The following TMPRSS3 variants were observed in gnomAD, a reference collection of about 807,000 sequenced individuals.
TMPRSS3 encodes the protein transmembrane serine protease 3.
TMPRSS3 carries 55 observed loss-of-function variants against 59.6 expected under a neutral mutation model. That is an observed-to-expected ratio of 0.92 (90% CI 0.74 to 1.16). TMPRSS3 has a LOEUF of 1.16. TMPRSS3 is among the 50% of genes most tolerant of loss of function. TMPRSS3 has a pLI of 0.00. For synonymous variants in TMPRSS3, 257 were observed against 237.7 expected, an observed-to-expected ratio of 1.08 and a Z score of -0.75; for missense variants, 596 against 579.4, an observed-to-expected ratio of 1.03 and a Z score of -0.29.
At chr21:42,387,573 C>T (rs1359092375) in intron 5 of TMPRSS3, among the ~76,000 whole-genome samples, 2 of 151,940 alleles carry the variant, frequency 1.3e-5, no homozygotes, top group African/African-American at 4.8e-5. Context: ...TGGCTTCCAC[C>T]AGCTTTGGGG....
At chr21:42,386,468 T>TG (rs1261534288) in intron 5 of TMPRSS3, among the ~76,000 whole-genome samples, 1 of 152,224 alleles carries the variant, frequency 6.6e-6, no homozygotes, top group South Asian at 2.1e-4. Flanking sequence ...TGGGATGGCT[T>TG]GGCCCCAGTG....
intron 2 of TMPRSS3, among the ~76,000 whole-genome samples, chr21:42,393,107 G>T (rs1462946576): frequency 6.6e-6 from 1 of 152,212 alleles, no homozygotes; most frequent in African/African-American, 2.4e-5. Flanking sequence ...AGCTGGGTGT[G>T]GGGGCATGTG....
rs1288008899 is a variant in TMPRSS3, at chr21:42,376,916, C to T, written c.1049-233G>A. On this transcript the variant is annotated intron_variant, in intron 10 of 12. Transcript: ENST00000644384. ...CTACGAGTGGCCGCAAGGGGCCAGT[C>T]TGCTTCAAGGCAGGGCCACCGACTC... Among the ~76,000 whole-genome samples the T allele has an allele frequency of 3.3e-5, 5 of 152,142 alleles. 1 individual carries two copies. Among genetic ancestry groups the T allele is most frequent in the Non-Finnish European group, 7.4e-5 (5 of 68,022 alleles).
chr21:42,388,854 T>G lies in TMPRSS3; in HGVS notation c.322+75A>C. On this transcript the variant is annotated intron_variant, in intron 4 of 12. Transcript: ENST00000644384. The surrounding 1 kb of genome is among the most constrained non-coding windows in gnomAD (Gnocchi z 5.1). ...AAAAATGGCAATGACTTGGACCCAT[T>G]TTACAGATGGGAAGGGTCAGGGTTG... The G allele has an allele frequency of 7.6e-7, 1 of 1,310,616 alleles. No individual in the cohort carries two copies. Among genetic ancestry groups the G allele is most frequent in the Non-Finnish European group, 1.1e-6 (1 of 904,640 alleles). The allele number at this position is 1,310,616 out of a possible 1,614,324, so 81.2% of individuals were successfully genotyped here. A position where few individuals can be genotyped will look rare whatever the true frequency, so the allele number is the denominator to read the frequency against.
chr21:42,393,912 G>T (rs2052765405), intron 2 of TMPRSS3, among the ~76,000 whole-genome samples: 1 of 152,130 alleles, frequency 6.6e-6, no homozygotes, highest in Admixed American at 6.5e-5. Flanking sequence ...GCCATAGAAA[G>T]GTGAAGGTGA....
At chr21:42,383,323 G>T in intron 7 of TMPRSS3, 125 bp from the exon 8 acceptor site, 1 of 1,055,444 alleles carries the variant, frequency 9.5e-7, no homozygotes, top group Non-Finnish European at 1.4e-6. Context: ...GCTCACAGCA[G>T]CTCTAAGACA....
At chr21:42,383,886 G>A in intron 7 of TMPRSS3, 84 bp downstream of exon 7, 1 of 1,427,924 alleles carries the variant, frequency 7.0e-7, no homozygotes, top group Admixed American at 1.7e-5. Flanking sequence ...AGAGCCCCAT[G>A]GGGGGAGAGG....
rs1568884376 is a variant in TMPRSS3 at position 42,383,992 on chromosome 21, G to A, written c.594C>T (p.His198=). 2 of 1,614,050 alleles carry A rather than the reference G, an allele frequency of 1.2e-6. No homozygotes were observed. Among genetic ancestry groups the A allele is most frequent in the Admixed American group, 1.7e-5 (1 of 60,000 alleles). The part of the protein sequence containing the change: ...VYVREGCASG[H]VVTLQCTACG... ...TACCTGTGCACTGCAAGGTAACCACGTGGCCAGAGGCACATCCCTCCCTAA... is the reference window on the plus strand; with the variant it reads ...TACCTGTGCACTGCAAGGTAACCACATGGCCAGAGGCACATCCCTCCCTAA... The change falls in exon 7 of 13, where the codon CAC becomes CAT. Residue 198 remains histidine, a synonymous_variant. Coordinates refer to ENST00000644384, the MANE Select transcript of TMPRSS3 (RefSeq NM_001256317.3).
Position 42,383,350 on chromosome 21 carries a change from G to T in TMPRSS3, c.617-152C>A, listed in dbSNP as rs1015543845. ...TCTAAGACAAGTGCTGCAAGGGGGA[G>T]CTCAGCAGGGGAGGTGGTCAGGCTC... On this transcript the variant is annotated intron_variant, in intron 7 of 12. Coordinates refer to ENST00000644384, the MANE Select transcript of TMPRSS3 (RefSeq NM_001256317.3). 4.2e-5 allele frequency: 34 copies of T among 800,360 alleles called. No individual in the cohort carries two copies. In the East Asian group the frequency reaches 4.8e-4, roughly 11 times the overall value. 49.6% of individuals were successfully genotyped at this position (800,360 alleles called of 1,614,324 possible). A position where few individuals can be genotyped will look rare whatever the true frequency, so the allele number is the denominator to read the frequency against.
At position 42,389,934 on chromosome 21, in the gene TMPRSS3, A is replaced by C; in HGVS notation, c.198T>G (p.Gly66=). The C allele has an allele frequency of 6.2e-7, 1 of 1,610,838 alleles. No homozygotes were observed. The highest frequency in any genetic ancestry group is 8.5e-7 in the Non-Finnish European group (1 of 1,176,924). ...ATAATGAATTGTACTCACTGCCCAGACCAATGGCCAGTGCTAATATCAATG... is the reference window on the plus strand; with the variant it reads ...ATAATGAATTGTACTCACTGCCCAGCCCAATGGCCAGTGCTAATATCAATG... ...IIALILALAI[G]LGIHFDCSGK... The change falls in exon 3 of 13, where the codon GGT becomes GGG. Residue 66 remains glycine, a synonymous_variant. Coordinates refer to ENST00000644384, the MANE Select transcript of TMPRSS3 (RefSeq NM_001256317.3).
chr21:42,374,443 C>T (rs902128782), intron 12 of TMPRSS3, among the ~76,000 whole-genome samples: 8 of 152,208 alleles, frequency 5.3e-5, no homozygotes, highest in South Asian at 4.1e-4. Context: ...GAGAGCAAAA[C>T]GGGAATTAAC....
In TMPRSS3 at chr21:42,396,007, G is replaced by A. The variant is rs1439143037; in HGVS notation, c.-117C>T. The A allele has an allele frequency of 3.9e-6, 2 of 518,864 alleles. No homozygotes were observed. Among genetic ancestry groups the A allele is most frequent in the Non-Finnish European group, 7.7e-6 (2 of 259,884 alleles). 32.1% of individuals were successfully genotyped at this position (518,864 alleles called of 1,614,324 possible). On this transcript the variant is annotated 5_prime_UTR_variant, in exon 1 of 13. Coordinates refer to ENST00000644384, the MANE Select transcript of TMPRSS3 (RefSeq NM_001256317.3). ...GAGATAGTAGGCCACAGTGTTACTG[G>A]CTTCCCATAAACACAGCCCTTTCCT...
chr21:42,383,525 A>C, intron 7 of TMPRSS3: 1 of 521,968 alleles, frequency 1.9e-6, no homozygotes, highest in African/African-American at 1.9e-5. Flanking sequence ...GCAGGCAGGA[A>C]CCTTCTGCAG....
At chr21:42,394,115 T>A (rs1289804194) in intron 2 of TMPRSS3, among the ~76,000 whole-genome samples, 7 of 152,214 alleles carry the variant, frequency 4.6e-5, no homozygotes, top group Non-Finnish European at 1.0e-4. Context: ...TCTAAATTGT[T>A]CTTCTAATGA....
intron 2 of TMPRSS3, among the ~76,000 whole-genome samples, chr21:42,391,362 T>A (rs1283186522): frequency 6.6e-6 from 1 of 152,200 alleles, no homozygotes; most frequent in Non-Finnish European, 1.5e-5. Context: ...AGGATGTTGA[T>A]ACACCATTCT....
At position 42,380,429 on chromosome 21, in the gene TMPRSS3, C is replaced by G. The variant is rs2839497; in HGVS notation, c.953-217G>C. On this transcript the variant is annotated intron_variant, in intron 9 of 12. Coordinates refer to ENST00000644384, the MANE Select transcript of TMPRSS3 (RefSeq NM_001256317.3). Reference sequence around the variant, plus strand: ...AAACTGTAAAAGAGCCCTCCACCGTCGCAGCGTGAGGGAACCTAGACCAGG... The same window carrying G: ...AAACTGTAAAAGAGCCCTCCACCGTGGCAGCGTGAGGGAACCTAGACCAGG... Among the ~76,000 whole-genome samples, 60,283 of 151,898 alleles carry G rather than the reference C, an allele frequency of 0.4. 13,148 individuals are homozygous for G. The highest frequency in any genetic ancestry group is 0.58 in the African/African-American group (24,115 of 41,400).
At position 42,383,138 on chromosome 21, in the gene TMPRSS3, G is replaced by C. The variant is rs763150678; in HGVS notation, c.677C>G (p.Ser226Trp). 1 of 1,614,096 alleles carries C rather than the reference G, an allele frequency of 6.2e-7. No homozygotes were observed. The highest frequency in any genetic ancestry group is 8.5e-7 in the Non-Finnish European group (1 of 1,180,062). ...RIVGGNMSLLSQWPWQASLQF... is the reference protein window; with the variant it reads ...RIVGGNMSLLWQWPWQASLQF... ...AAGGCTGGCCTGCCAGGGCCACTGC[G>C]AGAGCAAGGACATGTTTCCACCCAC... Residue 226 changes from serine (S) to tryptophan (W), a missense_variant, in exon 8 of 13, where the codon TCG becomes TGG. Coordinates refer to ENST00000644384, the MANE Select transcript of TMPRSS3 (RefSeq NM_001256317.3).
intron 12 of TMPRSS3, 97 bp from the exon 13 acceptor site, chr21:42,372,876 T>A (rs1039901111): frequency 6.9e-7 from 1 of 1,447,276 alleles, no homozygotes; most frequent in South Asian, 1.1e-5. Context: ...CCTGTGGGAA[T>A]TGTGGGGCTG....
intron 10 of TMPRSS3, among the ~76,000 whole-genome samples, chr21:42,378,413 T>C (rs1404780284): frequency 6.6e-6 from 1 of 152,204 alleles, no homozygotes; most frequent in Non-Finnish European, 1.5e-5. Context: ...GAACAGGGTC[T>C]TTGCAGATGT....
Sources: gnomAD v4.1 joint callset for allele counts (sites outside exome capture counted in the v4.1 genomes callset) on GRCh38, gnomAD v4.1.1 for gene constraint, Gnocchi (gnomAD v3.1) non-coding constraint, MANE v1.5 for transcripts, NCBI Gene and HGNC (gene_info 2026-07-23, HGNC 2026-07-21) for gene names.